Variants in PPP1R9A observed in about 807,000 individuals in gnomAD.
PPP1R9A encodes the protein protein phosphatase 1 regulatory subunit 9A, also known as neurabin-1.
A neutral mutation model predicts 141.9 loss-of-function variants in PPP1R9A; 59 were observed. That is an observed-to-expected ratio of 0.42 (90% CI 0.34 to 0.52). The LOEUF is 0.52. Among genes scored for constraint, PPP1R9A ranks in the 20% least tolerant of loss-of-function variants. The pLI is 0.10. For missense variants in PPP1R9A, 1,444 were observed against 1,611.9 expected, an observed-to-expected ratio of 0.90 and a Z score of 1.78; for synonymous variants, 500 against 569.7, an observed-to-expected ratio of 0.88 and a Z score of 1.74.
At chr7:95,055,610 A>G (rs894066007) in intron 2 of PPP1R9A, among the ~76,000 whole-genome samples, 4 of 152,122 alleles carry the variant, frequency 2.6e-5, no homozygotes, top group African/African-American at 9.7e-5. Context: ...AGTGATCCCC[A>G]TAGCTTATTT....
At chr7:95,014,813 C>T (rs1022624093) in intron 2 of PPP1R9A, among the ~76,000 whole-genome samples, 2 of 152,026 alleles carry the variant, frequency 1.3e-5, no homozygotes, top group Admixed American at 1.3e-4. Flanking sequence ...TTTCCTTTCT[C>T]ATTTGCTTAC....
In PPP1R9A at chr7:95,078,597, A is replaced by G. The variant is rs1237390505; in HGVS notation, c.1396-32662A>G. 6.6e-5 allele frequency among the ~76,000 whole-genome samples: 10 copies of G among 152,322 alleles called. No homozygotes were observed. In the East Asian group the frequency reaches 1.7e-3, roughly 26 times the overall value. Reference sequence around the variant, plus strand: ...GTTGAACTAGTTTACAGTCCCAACAACAGTGTAAAAGTGTTCTATTTCTCC... The same window carrying G: ...GTTGAACTAGTTTACAGTCCCAACAGCAGTGTAAAAGTGTTCTATTTCTCC... On this transcript the variant is annotated intron_variant, in intron 2 of 19. Transcript: ENST00000433360.
intron 12 of PPP1R9A, among the ~76,000 whole-genome samples, chr7:95,263,648 G>C (rs1585528360): frequency 1.3e-5 from 2 of 152,092 alleles, no homozygotes; most frequent in East Asian, 3.9e-4. Flanking sequence ...CTGACCTCAT[G>C]ATCTGCCCAC....
In PPP1R9A at chr7:95,269,422, GT is replaced by G; in HGVS notation, c.3043del (p.Ser1015LeufsTer36). 7.5e-6 allele frequency: 12 copies of G among 1,594,450 alleles called. No homozygotes were observed. The highest frequency in any genetic ancestry group is 1.0e-5 in the Non-Finnish European group (12 of 1,175,748). On this transcript the variant is annotated frameshift_variant, in exon 14 of 20. Transcript: ENST00000433360. LOFTEE classifies it high-confidence loss of function. ...LSSMWGDTSL[F>X]STSKSDHDVE... is the part of the protein sequence containing the mutation. ...CCTCTATGTGGGGAGACACTTCACTGTTTTCTACTTCAAAGTCTGATCATGA... is the reference window on the plus strand; with the variant it reads ...CCTCTATGTGGGGAGACACTTCACTGTTTCTACTTCAAAGTCTGATCATGA...
At chr7:95,068,544 A>G (rs1023388123) in intron 2 of PPP1R9A, among the ~76,000 whole-genome samples, 1 of 151,998 alleles carries the variant, frequency 6.6e-6, no homozygotes, top group East Asian at 1.9e-4. Context: ...TAACTTCCAA[A>G]TAGCCTGGGT....
At chr7:94,993,969 C>A (rs1344344203) in intron 2 of PPP1R9A, among the ~76,000 whole-genome samples, 1 of 152,132 alleles carries the variant, frequency 6.6e-6, no homozygotes, top group Non-Finnish European at 1.5e-5. Flanking sequence ...AAAGAAATAT[C>A]TTTTCCTTGC....
At chr7:95,236,476 C>T (rs1796693740) in intron 8 of PPP1R9A, among the ~76,000 whole-genome samples, 1 of 151,734 alleles carries the variant, frequency 6.6e-6, no homozygotes, top group African/African-American at 2.4e-5. Context: ...TTGCATTTTT[C>T]AAGAAATGTA....
At chr7:94,951,079 A>G (rs954397190) in intron 2 of PPP1R9A, among the ~76,000 whole-genome samples, 1 of 152,120 alleles carries the variant, frequency 6.6e-6, no homozygotes, top group African/African-American at 2.4e-5. Context: ...AATTTTTGAT[A>G]CTAACTTTCT....
chr7:94,969,534 G>A (rs549211815), intron 2 of PPP1R9A, among the ~76,000 whole-genome samples: 1 of 152,210 alleles, frequency 6.6e-6, no homozygotes, highest in African/African-American at 2.4e-5. Context: ...TCTCAGTGGG[G>A]CACCTTCCAG....
intron 3 of PPP1R9A, among the ~76,000 whole-genome samples, chr7:95,113,714 A>G (rs1052870364): frequency 2.6e-5 from 4 of 152,212 alleles, no homozygotes; most frequent in African/African-American, 9.6e-5. Context: ...GGTGAAAGAA[A>G]GACATCTGCT....
At chr7:94,976,466 G>A (rs560636823) in intron 2 of PPP1R9A, among the ~76,000 whole-genome samples, 170 of 151,190 alleles carry the variant, frequency 1.1e-3, no homozygotes, top group Non-Finnish European at 1.9e-3. Flanking sequence ...TCAGCCTCCC[G>A]AGTAGCTGAG....
intron 2 of PPP1R9A, among the ~76,000 whole-genome samples, chr7:94,977,340 C>A (rs1799566017): frequency 6.6e-6 from 1 of 152,094 alleles, no homozygotes; most frequent in Non-Finnish European, 1.5e-5. Context: ...GCAAAGTAGA[C>A]CAAGAAGAGC....
chr7:94,922,918 A>G (rs1184808954), intron 2 of PPP1R9A, among the ~76,000 whole-genome samples: 1 of 152,204 alleles, frequency 6.6e-6, no homozygotes, highest in Admixed American at 6.5e-5. Context: ...AACACTTTTT[A>G]AAATGCTGCC....
intron 16 of PPP1R9A, among the ~76,000 whole-genome samples, chr7:95,280,391 T>C (rs1294143485): frequency 6.6e-6 from 1 of 152,238 alleles, no homozygotes; most frequent in Non-Finnish European, 1.5e-5. Flanking sequence ...TTCACACACC[T>C]GTATTCAAAG....
intron 7 of PPP1R9A, among the ~76,000 whole-genome samples, chr7:95,204,543 T>C (rs559375333): frequency 1.3e-5 from 2 of 152,048 alleles, no homozygotes; most frequent in Admixed American, 6.6e-5. Context: ...ACATTCCGTT[T>C]AAGACCCTAT....
intron 16 of PPP1R9A, among the ~76,000 whole-genome samples, chr7:95,282,236 G>T (rs1310870391): frequency 6.6e-6 from 1 of 152,158 alleles, no homozygotes; most frequent in African/African-American, 2.4e-5. Flanking sequence ...GGAAGCTGAG[G>T]TGTGAAGATT....
At chr7:95,135,514 T>C (rs1012323915) in intron 4 of PPP1R9A, among the ~76,000 whole-genome samples, 2 of 152,216 alleles carry the variant, frequency 1.3e-5, no homozygotes, top group Non-Finnish European at 2.9e-5. Context: ...TTGTTCTTTC[T>C]TTATTTTTGC....
chr7:95,130,108 A>T (rs1038547231), intron 4 of PPP1R9A, among the ~76,000 whole-genome samples: 1 of 152,196 alleles, frequency 6.6e-6, no homozygotes, highest in Non-Finnish European at 1.5e-5. Flanking sequence ...TCTCCAGGGC[A>T]TATCAGAGGT....
chr7:94,959,617 G>A (rs1797400406), intron 2 of PPP1R9A, among the ~76,000 whole-genome samples: 1 of 151,610 alleles, frequency 6.6e-6, no homozygotes, highest in African/African-American at 2.4e-5. Context: ...TATAGTGACT[G>A]TAATGTTCTC....
Sources: allele counts gnomAD v4.1 joint callset (sites outside exome capture counted in the v4.1 genomes callset), GRCh38; gene constraint gnomAD v4.1.1; transcripts MANE v1.5; gene names NCBI Gene and HGNC (gene_info 2026-07-23, HGNC 2026-07-21).